The following CRYBG3 variants were observed in gnomAD, a reference collection of about 807,000 sequenced individuals.
CRYBG3 encodes the protein crystallin beta-gamma domain containing 3, also known as very large A-kinase anchor protein.
CRYBG3 carries 127 observed loss-of-function variants against 244.2 expected under a neutral mutation model. That is an observed-to-expected ratio of 0.52 (90% CI 0.45 to 0.60). CRYBG3 has a LOEUF of 0.60. Among genes scored for constraint, CRYBG3 ranks in the 20% least tolerant of loss-of-function variants. CRYBG3 has a pLI of 0.00. For missense variants in CRYBG3, 3,325 were observed against 3,442.5 expected (o/e 0.97, Z 0.85); for synonymous variants, 1,132 against 1,195.8 (o/e 0.95, Z 1.10).
In CRYBG3 at chr3:97,876,428, A is replaced by G; in HGVS notation, c.5234A>G (p.Asp1745Gly). ...RLEMENTYPK[D>G]TERDGGKTEV... ...GAAATGGAAAATACTTACCCAAAGG[A>G]TACTGAAAGAGACGGTGGCAAAACT... Residue 1745 changes from aspartate to glycine, a missense_variant, in exon 4 of 22, where the codon GAT (aspartate) becomes GGT (glycine). By Grantham distance (94) the Asp-to-Gly change is moderately conservative (BLOSUM62 -1). Coordinates refer to ENST00000389622, the MANE Select transcript of CRYBG3 (RefSeq NM_153605.4). 8.1e-7 allele frequency: 1 copy of G among 1,232,130 alleles called. No individual in the cohort carries two copies. Among genetic ancestry groups the G allele is most frequent in the Non-Finnish European group, 1.0e-6 (1 of 987,972 alleles). 76.3% of individuals were successfully genotyped at this position (1,232,130 alleles called of 1,614,324 possible).
Position 97,873,624 on chromosome 3 carries a change from T to C in CRYBG3, c.2430T>C (p.Ala810=), listed in dbSNP as rs1160453251. 1 of 1,534,492 alleles carries C rather than the reference T, an allele frequency of 6.5e-7. No homozygotes were observed. The highest frequency in any genetic ancestry group is 2.4e-5 in the East Asian group (1 of 40,922). Residue 810 remains alanine, a synonymous_variant, in exon 4 of 22, where the codon GCT becomes GCC. Coordinates refer to ENST00000389622, the MANE Select transcript of CRYBG3 (RefSeq NM_153605.4). ...SDSLSLEAKT[A]NIVSKAEIDG... is the part of the protein sequence containing the mutation. ...CTCTTTCCTTGGAAGCCAAAACTGC[T>C]AACATTGTATCAAAAGCTGAAATTG...
intron 7 of CRYBG3, among the ~76,000 whole-genome samples, chr3:97,881,585 G>A (rs1389713408): frequency 6.6e-6 from 1 of 151,718 alleles, no homozygotes. Flanking sequence ...GCGTGGTGGT[G>A]CAAGTCTGTA....
At chr3:97,886,482 G>T in intron 7 of CRYBG3, 149 bp from the exon 8 acceptor site, 1 of 543,350 alleles carries the variant, frequency 1.8e-6, no homozygotes, top group Non-Finnish European at 3.0e-6. Context: ...AAAAAAAAGG[G>T]TGAGGAGAAA....
chr3:97,882,921 C>T (rs2039467330), intron 7 of CRYBG3, among the ~76,000 whole-genome samples: 3 of 152,128 alleles, frequency 2.0e-5, no homozygotes, highest in African/African-American at 7.2e-5. Flanking sequence ...CTGTGGTGTG[C>T]ACAGGGAATA....
chr3:97,831,702 G>A (rs898617051), intron 1 of CRYBG3, among the ~76,000 whole-genome samples: 1 of 151,978 alleles, frequency 6.6e-6, no homozygotes, highest in Non-Finnish European at 1.5e-5. Context: ...TGTTAGAGTG[G>A]GGGGGATTAC....
chr3:97,881,254 TTTTA>T (rs2039443826), intron 7 of CRYBG3, 35 bp downstream of exon 7: 1 of 1,472,048 alleles, frequency 6.8e-7, no homozygotes, highest in Non-Finnish European at 9.3e-7. Context: ...TTTTATTTGA[TTTTA>T]TTTATCATAT....
chr3:97,919,075 C>T (rs1180108846), intron 17 of CRYBG3, among the ~76,000 whole-genome samples: 3 of 152,136 alleles, frequency 2.0e-5, no homozygotes, highest in African/African-American at 7.2e-5. Flanking sequence ...TTCTCTGTTA[C>T]TAGATTTTGG....
intron 1 of CRYBG3, among the ~76,000 whole-genome samples, chr3:97,827,682 G>T (rs1402112245): frequency 6.6e-6 from 1 of 152,088 alleles, no homozygotes; most frequent in Non-Finnish European, 1.5e-5. Flanking sequence ...CCCTGAGCTT[G>T]GAACTTTAAA....
chr3:97,906,755 T>A (rs1432270326), intron 15 of CRYBG3, among the ~76,000 whole-genome samples: 1 of 151,926 alleles, frequency 6.6e-6, no homozygotes, highest in African/African-American at 2.4e-5. Context: ...CCTGCCTAAT[T>A]GCCCTGGCCA....
At chr3:97,848,871 A>G (rs2038941972) in intron 2 of CRYBG3, among the ~76,000 whole-genome samples, 1 of 152,234 alleles carries the variant, frequency 6.6e-6, no homozygotes, top group African/African-American at 2.4e-5. Context: ...CTGTGTATAA[A>G]TAGATTACAG....
At chr3:97,939,079 G>C (rs376157642) in intron 19 of CRYBG3, among the ~76,000 whole-genome samples, 10 of 151,964 alleles carry the variant, frequency 6.6e-5, no homozygotes, top group Admixed American at 4.6e-4. Context: ...ATGAAAATAT[G>C]TTCCTCATTT....
At chr3:97,911,666 G>A (rs2039873461) in intron 15 of CRYBG3, among the ~76,000 whole-genome samples, 1 of 152,158 alleles carries the variant, frequency 6.6e-6, no homozygotes, top group Admixed American at 6.5e-5. Flanking sequence ...CTTGCTTAAG[G>A]GCATGTGCTC....
chr3:97,829,744 G>A (rs1234436259), intron 1 of CRYBG3, among the ~76,000 whole-genome samples: 1 of 152,182 alleles, frequency 6.6e-6, no homozygotes, highest in Non-Finnish European at 1.5e-5. Flanking sequence ...GAATCCAGCA[G>A]TTAACAAGGT....
chr3:97,831,356 A>C (rs1426990644), intron 1 of CRYBG3, among the ~76,000 whole-genome samples: 2 of 152,172 alleles, frequency 1.3e-5, no homozygotes, highest in East Asian at 3.9e-4. Context: ...GACTAGAGGT[A>C]ATTGTTTTTT....
In CRYBG3 at chr3:97,873,912, T is replaced by C; in HGVS notation, c.2718T>C (p.Asn906=). The C allele has an allele frequency of 1.3e-6, 2 of 1,536,004 alleles. No individual in the cohort carries two copies. Among genetic ancestry groups the C allele is most frequent in the Non-Finnish European group, 1.7e-6 (2 of 1,146,850 alleles). ...EKCSDAGLKE[N]CQAELSPAAS... ...GTTCAGATGCTGGCCTTAAAGAGAA[T>C]TGCCAAGCTGAGCTTTCTCCTGCTG... Residue 906 remains asparagine, a synonymous_variant, in exon 4 of 22, where the codon AAT becomes AAC. Transcript: ENST00000389622.
At chr3:97,940,753 C>T (rs1190628780) in intron 19 of CRYBG3, among the ~76,000 whole-genome samples, 2 of 151,962 alleles carry the variant, frequency 1.3e-5, no homozygotes, top group Admixed American at 1.3e-4. Flanking sequence ...CACAGTATGT[C>T]TTTCTGAAGT....
At chr3:97,942,176 C>T in intron 20 of CRYBG3, 108 bp from the exon 21 acceptor site, 4 of 903,066 alleles carry the variant, frequency 4.4e-6, no homozygotes, top group Non-Finnish European at 6.5e-6. Context: ...AGATAAGACA[C>T]ACACACACTT....
intron 14 of CRYBG3, among the ~76,000 whole-genome samples, chr3:97,899,831 G>A (rs888629641): frequency 6.6e-6 from 1 of 152,124 alleles, no homozygotes; most frequent in African/African-American, 2.4e-5. Flanking sequence ...AGTGTGGCCA[G>A]TTTGGATAAT....
intron 2 of CRYBG3, among the ~76,000 whole-genome samples, chr3:97,850,138 C>T (rs2038963390): frequency 6.6e-6 from 1 of 152,120 alleles, no homozygotes; most frequent in Non-Finnish European, 1.5e-5. Context: ...GAAGTACCAC[C>T]ACACTACCCA....
Sources: allele counts gnomAD v4.1 joint callset (sites outside exome capture counted in the v4.1 genomes callset), GRCh38; gene constraint gnomAD v4.1.1; transcripts MANE v1.5; gene names NCBI Gene and HGNC (gene_info 2026-07-23, HGNC 2026-07-21).